Variants in STXBP5L observed in about 807,000 individuals in gnomAD.
The protein encoded by STXBP5L is syntaxin-binding protein 5-like.
STXBP5L carries 65 observed loss-of-function variants against 144.5 expected under a neutral mutation model. That is an observed-to-expected ratio of 0.45 (90% CI 0.37 to 0.55). The LOEUF (loss-of-function observed/expected upper bound fraction) is 0.55. STXBP5L is among the 20% of genes least tolerant of loss of function. STXBP5L has a pLI of 0.00. For missense variants in STXBP5L, 1,298 were observed against 1,405.5 expected (o/e 0.92, Z 1.22); for synonymous variants, 505 against 469.6 (o/e 1.08, Z -0.97).
At chr3:121,155,943 A>C (rs2046097090) in intron 8 of STXBP5L, among the ~76,000 whole-genome samples, 1 of 151,958 alleles carries the variant, frequency 6.6e-6, no homozygotes, top group Admixed American at 6.6e-5. Context: ...AAACAGTTTG[A>C]GACAACTTTA....
intron 20 of STXBP5L, among the ~76,000 whole-genome samples, chr3:121,345,230 G>A (rs1452497204): frequency 6.6e-6 from 1 of 151,916 alleles, no homozygotes; most frequent in Non-Finnish European, 1.5e-5. Flanking sequence ...TCATTGTTCA[G>A]TTCCCACCTA....
intron 2 of STXBP5L, among the ~76,000 whole-genome samples, chr3:120,918,165 TCCTGCCTC>T (rs1310689934): frequency 6.6e-6 from 1 of 152,234 alleles, no homozygotes; most frequent in East Asian, 1.9e-4. Context: ...ACCCTGACTT[TCCTGCCTC>T]CCTTTTTTAA....
At chr3:121,089,867 T>C (rs1476791036) in intron 5 of STXBP5L, among the ~76,000 whole-genome samples, 2 of 152,070 alleles carry the variant, frequency 1.3e-5, no homozygotes, top group African/African-American at 4.8e-5. Context: ...GTTTAGCTTA[T>C]CCACAGAATT....
intron 19 of STXBP5L, among the ~76,000 whole-genome samples, chr3:121,311,287 C>T (rs1046539381): frequency 6.6e-6 from 1 of 152,196 alleles, no homozygotes; most frequent in East Asian, 1.9e-4. Flanking sequence ...ATAGACAGCC[C>T]CTGTCATTAC....
chr3:121,301,354 A>G (rs1389667293), intron 19 of STXBP5L, among the ~76,000 whole-genome samples: 4 of 152,014 alleles, frequency 2.6e-5, no homozygotes, highest in African/African-American at 9.7e-5. Context: ...TTTGTCTGTT[A>G]TTGGTGTATA....
At chr3:121,347,625 T>C (rs2045056791) in intron 20 of STXBP5L, among the ~76,000 whole-genome samples, 1 of 152,198 alleles carries the variant, frequency 6.6e-6, no homozygotes, top group Non-Finnish European at 1.5e-5. Flanking sequence ...GTATCCTCTT[T>C]TATTTTCTTG....
At chr3:121,259,298 T>C in intron 18 of STXBP5L, 130 bp downstream of exon 18, 1 of 632,532 alleles carries the variant, frequency 1.6e-6, no homozygotes, top group East Asian at 3.6e-5. Context: ...AAACAATATA[T>C]AAGAAAAATA....
At chr3:120,983,696 C>T (rs1436139532) in intron 3 of STXBP5L, among the ~76,000 whole-genome samples, 1 of 152,014 alleles carries the variant, frequency 6.6e-6, no homozygotes, top group Non-Finnish European at 1.5e-5. Context: ...AGTGTGGAGC[C>T]CTAGGGGTCT....
intron 3 of STXBP5L, among the ~76,000 whole-genome samples, chr3:120,962,816 T>G (rs1232459553): frequency 6.6e-5 from 10 of 152,314 alleles, no homozygotes; most frequent in African/African-American, 2.2e-4. Context: ...GTGAAGAAAG[T>G]CATTGGTAGC....
chr3:121,382,494 G>C (rs949472454), intron 22 of STXBP5L, among the ~76,000 whole-genome samples: 1 of 151,882 alleles, frequency 6.6e-6, no homozygotes, highest in South Asian at 2.1e-4. Flanking sequence ...TCTTTTGACT[G>C]GTGAGTTAGT....
At chr3:120,973,272 T>A (rs1940494772) in intron 3 of STXBP5L, among the ~76,000 whole-genome samples, 1 of 152,104 alleles carries the variant, frequency 6.6e-6, no homozygotes, top group Admixed American at 6.6e-5. Context: ...TTTTCTTGAT[T>A]TCTATTTCAT....
intron 5 of STXBP5L, among the ~76,000 whole-genome samples, chr3:121,109,847 T>C (rs1249668163): frequency 6.6e-6 from 1 of 152,198 alleles, no homozygotes; most frequent in Non-Finnish European, 1.5e-5. Flanking sequence ...GGAGTCTAAA[T>C]CTTTTTGTAG....
intron 20 of STXBP5L, among the ~76,000 whole-genome samples, chr3:121,367,595 G>GTTTT (rs57288480): frequency 5.8e-5 from 3 of 51,358 alleles, no homozygotes; most frequent in African/African-American, 7.8e-5. Context: ...TTCGACTCTT[G>GTTTT]TTTTTTTTTT....
intron 3 of STXBP5L, among the ~76,000 whole-genome samples, chr3:120,961,010 G>T (rs532445074): frequency 1.3e-5 from 2 of 151,724 alleles, no homozygotes; most frequent in East Asian, 3.9e-4. Context: ...ACTCATTTTT[G>T]ATCTGTTCAG....
At chr3:121,267,026 C>G (rs2050587649) in intron 18 of STXBP5L, among the ~76,000 whole-genome samples, 1 of 152,048 alleles carries the variant, frequency 6.6e-6, no homozygotes, top group Non-Finnish European at 1.5e-5. Flanking sequence ...CATCAAGCTA[C>G]CATTGACTTT....
At chr3:121,076,028 A>C (rs765306489) in intron 5 of STXBP5L, among the ~76,000 whole-genome samples, 11 of 152,366 alleles carry the variant, frequency 7.2e-5, no homozygotes, top group Middle Eastern at 3.4e-3. Flanking sequence ...TTCTCTGTAT[A>C]GGAGGGAGTA....
At chr3:121,342,385 T>A (rs1576223785) in intron 20 of STXBP5L, among the ~76,000 whole-genome samples, 1 of 152,164 alleles carries the variant, frequency 6.6e-6, no homozygotes, top group South Asian at 2.1e-4. Context: ...TTAGGGTACA[T>A]GTGCACAATG....
chr3:121,353,132 T>C (rs966721045), intron 20 of STXBP5L, among the ~76,000 whole-genome samples: 9 of 152,152 alleles, frequency 5.9e-5, no homozygotes, highest in Non-Finnish European at 1.2e-4. Context: ...GGGATATTGG[T>C]CTAAAATTCT....
chr3:121,083,653 ACT>A (rs1259883664), intron 5 of STXBP5L, among the ~76,000 whole-genome samples: 1 of 142,108 alleles, frequency 7.0e-6, no homozygotes, highest in African/African-American at 2.6e-5. Flanking sequence ...ACAGAGTGAC[ACT>A]CTGTCTCAAG....
Sources: allele counts gnomAD v4.1 joint callset (sites outside exome capture counted in the v4.1 genomes callset), GRCh38; gene constraint gnomAD v4.1.1; transcripts MANE v1.5; gene names NCBI Gene and HGNC (gene_info 2026-07-23, HGNC 2026-07-21).